ADARB2: variants seen among roughly 807,000 people sequenced by gnomAD.
The protein encoded by ADARB2 is inactive double-stranded RNA-specific editase B2.
A neutral mutation model predicts 62.2 loss-of-function variants in ADARB2; 25 were observed. That is an observed-to-expected ratio of 0.40 (90% confidence interval 0.29 to 0.56). The LOEUF is 0.56. Ranked by LOEUF, ADARB2 falls within the 20% of genes least tolerant of loss-of-function variation. The pLI, the probability that ADARB2 is intolerant of heterozygous loss-of-function variation, is 0.43. For missense variants in ADARB2, 1,071 were observed against 1,077.4 expected, an observed-to-expected ratio of 0.99 and a Z score of 0.08; for synonymous variants, 572 against 500.8, an observed-to-expected ratio of 1.14 and a Z score of -1.90.
At chr10:1,342,041 T>A (rs575003397) in intron 3 of ADARB2, among the ~76,000 whole-genome samples, 1 of 152,356 alleles carries the variant, frequency 6.6e-6, no homozygotes, top group South Asian at 2.1e-4. Flanking sequence ...TCAGCCAGGT[T>A]TTGTCTGGAA....
intron 1 of ADARB2, among the ~76,000 whole-genome samples, chr10:1,514,178 A>ATATATATATATATATATATAT (rs1831976214): frequency 6.4e-5 from 6 of 94,156 alleles, no homozygotes; most frequent in African/African-American, 1.7e-4. Flanking sequence ...GCTGTCTCAA[A>ATATATATATATATATATATAT]ATATATATAT....
chr10:1,273,789 A>G (rs1403310270), intron 3 of ADARB2, among the ~76,000 whole-genome samples: 1 of 152,194 alleles, frequency 6.6e-6, no homozygotes, highest in Non-Finnish European at 1.5e-5. Flanking sequence ...AGGCTCCTGC[A>G]GGGCGTGTGC....
intron 3 of ADARB2, among the ~76,000 whole-genome samples, chr10:1,287,586 A>G (rs1372593480): frequency 1.3e-5 from 2 of 152,182 alleles, no homozygotes; most frequent in African/African-American, 2.4e-5. Flanking sequence ...AGCCATGCAC[A>G]TAGATGCTGG....
chr10:1,429,763 A>T (rs1830761146), intron 1 of ADARB2, among the ~76,000 whole-genome samples: 2 of 152,202 alleles, frequency 1.3e-5, no homozygotes, highest in African/African-American at 4.8e-5. Context: ...GAATCCTGCT[A>T]AAGATTAGAT....
intron 3 of ADARB2, among the ~76,000 whole-genome samples, chr10:1,314,124 T>C (rs1831716337): frequency 6.6e-6 from 1 of 152,162 alleles, no homozygotes; most frequent in South Asian, 2.1e-4. Flanking sequence ...CTTAGGAATC[T>C]CACATTCTGG....
At chr10:1,231,596 C>G (rs966137064) in intron 6 of ADARB2, among the ~76,000 whole-genome samples, 2 of 152,178 alleles carry the variant, frequency 1.3e-5, no homozygotes, top group African/African-American at 2.4e-5. Flanking sequence ...GCCTCTCTCT[C>G]CCTACTGCAG....
intron 3 of ADARB2, among the ~76,000 whole-genome samples, chr10:1,311,476 A>G (rs1831690334): frequency 6.6e-6 from 1 of 150,702 alleles, no homozygotes; most frequent in East Asian, 1.9e-4. Flanking sequence ...CCGGGAAATG[A>G]AAAAAAAAGA....
At chr10:1,500,633 T>A (rs1457555616) in intron 1 of ADARB2, among the ~76,000 whole-genome samples, 1 of 152,188 alleles carries the variant, frequency 6.6e-6, no homozygotes, top group African/African-American at 2.4e-5. Context: ...AAAATTTTGA[T>A]TAGGGCGATA....
chr10:1,211,935 C>T (rs1266404223), intron 7 of ADARB2, among the ~76,000 whole-genome samples: 1 of 152,216 alleles, frequency 6.6e-6, no homozygotes, highest in African/African-American at 2.4e-5. Context: ...TATTTGACAA[C>T]CACCTTTCAA....
intron 8 of ADARB2, among the ~76,000 whole-genome samples, chr10:1,187,024 G>T (rs1208058926): frequency 6.6e-6 from 1 of 152,262 alleles, no homozygotes; most frequent in Non-Finnish European, 1.5e-5. Context: ...CCTGAGCTCT[G>T]TGGACAGACT....
At chr10:1,452,472 G>A (rs1831051489) in intron 1 of ADARB2, among the ~76,000 whole-genome samples, 11 of 152,100 alleles carry the variant, frequency 7.2e-5, no homozygotes, top group Admixed American at 7.2e-4. Context: ...CCATAAAAAA[G>A]GTTGAGTTCA....
intron 3 of ADARB2, among the ~76,000 whole-genome samples, chr10:1,283,545 C>G (rs1831387707): frequency 6.6e-6 from 1 of 152,172 alleles, no homozygotes; most frequent in South Asian, 2.1e-4. Flanking sequence ...TGTGGTTCAT[C>G]AGAGGAGTGT....
At chr10:1,549,202 C>T (rs1482090916) in intron 1 of ADARB2, among the ~76,000 whole-genome samples, 23 of 2,156 alleles carry the variant, frequency 0.011, no homozygotes, top group Non-Finnish European at 0.022. Flanking sequence ...TGGGGTGGGG[C>T]GTGGAGCTGG....
chr10:1,696,371 G>C (rs144954175), intron 1 of ADARB2, among the ~76,000 whole-genome samples: 66 of 152,178 alleles, frequency 4.3e-4, no homozygotes, highest in African/African-American at 1.6e-3. Context: ...CAGTGAGTGA[G>C]GTCGTGACAG....
chr10:1,561,060 T>C (rs1832779762), intron 1 of ADARB2, among the ~76,000 whole-genome samples: 1 of 152,208 alleles, frequency 6.6e-6, no homozygotes, highest in Admixed American at 6.5e-5. Flanking sequence ...ATTTTCTAGA[T>C]GCTCAGTAAA....
chr10:1,652,395 C>T (rs528238416), intron 1 of ADARB2, among the ~76,000 whole-genome samples: 6 of 152,292 alleles, frequency 3.9e-5, no homozygotes, highest in African/African-American at 7.2e-5. Context: ...TGCCAGCTCC[C>T]GGGAAGACCA....
intron 1 of ADARB2, among the ~76,000 whole-genome samples, chr10:1,621,767 C>A (rs1383186934): frequency 1.3e-5 from 2 of 152,186 alleles, no homozygotes; most frequent in African/African-American, 4.8e-5. Context: ...TCAGTAATGT[C>A]AAGATGTCAA....
chr10:1,336,567 T>C (rs1831976522), intron 3 of ADARB2, among the ~76,000 whole-genome samples: 2 of 152,180 alleles, frequency 1.3e-5, no homozygotes, highest in African/African-American at 4.8e-5. Flanking sequence ...ATGAAGGGTT[T>C]AAAGACTCCT....
At chr10:1,649,681 C>T (rs969919680) in intron 1 of ADARB2, among the ~76,000 whole-genome samples, 2 of 152,162 alleles carry the variant, frequency 1.3e-5, no homozygotes, top group African/African-American at 4.8e-5. Context: ...TGGGATATGC[C>T]CCTGGGCCAG....
Sources: allele counts gnomAD v4.1 joint callset (sites outside exome capture counted in the v4.1 genomes callset), GRCh38; gene constraint gnomAD v4.1.1; transcripts MANE v1.5; gene names NCBI Gene and HGNC (gene_info 2026-07-23, HGNC 2026-07-21).